KDM5B: variants seen among roughly 807,000 people sequenced by gnomAD.
KDM5B encodes lysine-specific demethylase 5B.
In KDM5B, 144 loss-of-function variants were observed where a neutral mutation model predicts 193.4. That is an observed-to-expected ratio of 0.74 (90% CI 0.65 to 0.86). KDM5B has a LOEUF of 0.86. Ranked by LOEUF, KDM5B falls within the 40% of genes least tolerant of loss-of-function variation. The pLI is 0.00. For missense variants in KDM5B, 1,833 were observed against 1,886.9 expected (o/e 0.97, Z 0.53); for synonymous variants, 668 against 682.6 (o/e 0.98, Z 0.33).
intron 1 of KDM5B, among the ~76,000 whole-genome samples, chr1:202,779,147 T>G (rs1657089138): frequency 6.6e-6 from 1 of 152,142 alleles, no homozygotes; most frequent in South Asian, 2.1e-4. Context: ...AATAAATGTA[T>G]TATTTCAGAT....
intron 6 of KDM5B, 29 bp downstream of exon 6, chr1:202,764,020 C>G: frequency 2.7e-6 from 3 of 1,118,846 alleles, no homozygotes; most frequent in Non-Finnish European, 4.0e-6. Flanking sequence ...TTTACTTTTT[C>G]TTTCCTATTC....
rs61750265 is a variant in KDM5B, at chr1:202,760,508, A to G, written c.984T>C (p.Asp328=). 1.4e-3 allele frequency: 2,262 copies of G among 1,613,572 alleles called. 27 individuals are homozygous for G. The African/African-American group carries it at 0.026, about 19-fold the overall frequency. ...GNDEDRLLLC[D]GCDDSYHTFC... ...AGGTATGGTAACTGTCATCACAGCCATCACACAACAGTAGCCGGTCTTCAT... is the reference window on the plus strand; with the variant it reads ...AGGTATGGTAACTGTCATCACAGCCGTCACACAACAGTAGCCGGTCTTCAT... The change falls in exon 8 of 27, where the codon GAT becomes GAC. Residue 328 remains aspartate (D), a synonymous_variant. Coordinates refer to ENST00000367265, the MANE Select transcript of KDM5B (RefSeq NM_006618.5).
chr1:202,761,545 CA>C (rs1018878861), intron 7 of KDM5B, among the ~76,000 whole-genome samples: 6 of 152,082 alleles, frequency 3.9e-5, no homozygotes, highest in Non-Finnish European at 7.4e-5. Context: ...GTATTCCCCC[CA>C]AAAACTCACA....
At chr1:202,763,973 A>G (rs1656347723) in intron 6 of KDM5B, 76 bp downstream of exon 6, 5 of 826,210 alleles carry the variant, frequency 6.1e-6, no homozygotes, top group South Asian at 1.6e-5. Context: ...TTGAATTTTC[A>G]GCTTATGTTT....
chr1:202,740,224 G>GCA, intron 20 of KDM5B, among the ~76,000 whole-genome samples: 1 of 147,674 alleles, frequency 6.8e-6, no homozygotes, highest in African/African-American at 2.5e-5. Context: ...GGCTGGCCGG[G>GCA]TTGGGGGCTG....
intron 16 of KDM5B, among the ~76,000 whole-genome samples, chr1:202,745,518 TTTTG>T (rs1422126559): frequency 9.9e-5 from 15 of 151,884 alleles, no homozygotes; most frequent in Non-Finnish European, 1.6e-4. Flanking sequence ...GATGCTTTGT[TTTTG>T]TTTTTGTTTT....
chr1:202,747,569 T>A (rs11584106), intron 14 of KDM5B, among the ~76,000 whole-genome samples: 61,258 of 129,006 alleles, frequency 0.47, 14,126 homozygotes, highest in Non-Finnish European at 0.57. Context: ...CACATATTTT[T>A]AAAAAAAAAA....
At chr1:202,752,836 G>T in intron 12 of KDM5B, 69 bp downstream of exon 12, 1 of 1,425,542 alleles carries the variant, frequency 7.0e-7, no homozygotes, top group Non-Finnish European at 9.7e-7. Context: ...TCATAAAAAA[G>T]TGAATAAAAA....
chr1:202,774,687 A>C lies in KDM5B; in HGVS notation c.331T>G (p.Trp111Gly), dbSNP rs1208365118. The change falls in exon 3 of 27, where the codon TGG becomes GGG. Residue 111 changes from tryptophan (W) to glycine (G), a missense_variant. Around this residue, in one of 3 missense-constraint regions of KDM5B, gnomAD observed 355 missense variants for 374.9 expected, o/e 0.95. Transcript: ENST00000367265. ...LNFLDQIAKY[W>G]ELQGSTLKIP... ...TTCAGAGTACTTCCCTGTAACTCCC[A>C]GTACTTTGCAATCTGGTCCAAGAAA... 1 of 1,612,892 alleles carries C rather than the reference A, an allele frequency of 6.2e-7. No homozygotes were observed. Among genetic ancestry groups the C allele is most frequent in the Admixed American group, 1.7e-5 (1 of 60,010 alleles).
chr1:202,733,993 T>A, intron 22 of KDM5B, 107 bp from the exon 23 acceptor site: 1 of 1,356,206 alleles, frequency 7.4e-7, no homozygotes, highest in Non-Finnish European at 1.0e-6. Flanking sequence ...AGATCATCTG[T>A]ATTCAAATCC....
intron 1 of KDM5B, among the ~76,000 whole-genome samples, chr1:202,788,075 A>G (rs1439745978): frequency 6.6e-6 from 1 of 152,160 alleles, no homozygotes; most frequent in African/African-American, 2.4e-5. Context: ...CTGTCCTTCC[A>G]AAGAACTCTT....
chr1:202,770,115 A>T (rs1274778253), intron 4 of KDM5B, among the ~76,000 whole-genome samples: 2 of 152,158 alleles, frequency 1.3e-5, no homozygotes, highest in Non-Finnish European at 2.9e-5. Flanking sequence ...AATAAATATG[A>T]AGAGCTTTAT....
At chr1:202,735,666 C>G in intron 21 of KDM5B, 79 bp from the exon 22 acceptor site, 4 of 1,345,268 alleles carry the variant, frequency 3.0e-6, no homozygotes, top group Non-Finnish European at 4.2e-6. Context: ...AAATAAAAGC[C>G]TAAGCAGTAA....
At chr1:202,789,443 C>A (rs941478352) in intron 1 of KDM5B, among the ~76,000 whole-genome samples, 5 of 149,794 alleles carry the variant, frequency 3.3e-5, no homozygotes, top group Non-Finnish European at 5.9e-5. Context: ...ATCACTTGAG[C>A]CCAGGAGGCA....
chr1:202,792,699 CA>C (rs1354006572), intron 1 of KDM5B, among the ~76,000 whole-genome samples: 1 of 151,942 alleles, frequency 6.6e-6, no homozygotes, highest in South Asian at 2.1e-4. Context: ...AGACCACAGT[CA>C]AAAAAAGACT....
At position 202,744,215 on chromosome 1, in the gene KDM5B, CAT is replaced by C. The variant is rs760526362; in HGVS notation, c.2324-1412_2324-1411del. Among the ~76,000 whole-genome samples the C allele has an allele frequency of 1.1e-4, 16 of 152,244 alleles. No homozygotes were observed. In the East Asian group the frequency reaches 1.2e-3, roughly 11 times the overall value. ...AGAAGACATACGTATGGCCAACAAT[CAT>C]ATGAAAAAAAGCTCAACATCACTGA... On this transcript the variant is annotated intron_variant, in intron 16 of 26. Transcript: ENST00000367265.
intron 12 of KDM5B, among the ~76,000 whole-genome samples, chr1:202,751,411 A>C (rs1163332021): frequency 6.6e-6 from 1 of 152,136 alleles, no homozygotes; most frequent in Non-Finnish European, 1.5e-5. Context: ...CTGAAGCCCC[A>C]CTCAGACTAA....
chr1:202,800,399 G>T (rs1370114900), intron 1 of KDM5B, among the ~76,000 whole-genome samples: 1 of 151,978 alleles, frequency 6.6e-6, no homozygotes, highest in African/African-American at 2.4e-5. Flanking sequence ...GGAGTGCAGT[G>T]GCGTGATCAG....
At chr1:202,793,230 G>A (rs546925782) in intron 1 of KDM5B, among the ~76,000 whole-genome samples, 1 of 152,280 alleles carries the variant, frequency 6.6e-6, no homozygotes, top group South Asian at 2.1e-4. Context: ...ATCTGCCTTA[G>A]CAGCAAAAAC....
Sources: gnomAD v4.1 joint callset for allele counts (sites outside exome capture counted in the v4.1 genomes callset) on GRCh38, gnomAD v4.1.1 for gene constraint, gnomAD v4.1.1 regional missense constraint, MANE v1.5 for transcripts, NCBI Gene and HGNC (gene_info 2026-07-23, HGNC 2026-07-21) for gene names.